KLRG1: variants seen among roughly 807,000 people sequenced by gnomAD.
KLRG1 encodes the protein killer cell lectin like receptor G1.
KLRG1 carries 16 observed loss-of-function variants against 21.8 expected under a neutral mutation model. That is an observed-to-expected ratio of 0.73 (90% CI 0.50 to 1.11). The LOEUF is 1.11. Among genes scored for constraint, KLRG1 ranks in the 50% most tolerant of loss-of-function variants. The pLI is 0.00. For synonymous variants in KLRG1, 69 were observed against 75.9 expected, an observed-to-expected ratio of 0.91 and a Z score of 0.47; for missense variants, 173 against 218.3, an observed-to-expected ratio of 0.79 and a Z score of 1.31.
the KLRG1 span, among the ~76,000 whole-genome samples, chr12:9,212,209 G>A: frequency 9.8e-5 from 15 of 152,328 alleles, no homozygotes; most frequent in East Asian, 2.9e-3. Flanking sequence ...GAATGGGCAT[G>A]TGTCCCACTG....
Position 9,009,484 on chromosome 12 carries a change from G to A in KLRG1, c.517G>A (p.Ala173Thr). ...CGAINKNGLQ[A>T]SSCEVPLHWV... is the part of the protein sequence containing the mutation. ...TGCCATCAACAAAAATGGTCTTCAA[G>A]CCTCAAGCTGTGAAGTTCCTTTACA... Residue 173 changes from alanine to threonine, a missense_variant, in exon 5 of 5, where the codon GCC (alanine) becomes ACC (threonine). By Grantham distance (58) the Ala-to-Thr change is moderately conservative. Coordinates refer to ENST00000356986, the MANE Select transcript of KLRG1 (RefSeq NM_005810.4). 1.2e-6 allele frequency: 2 copies of A among 1,613,942 alleles called. No homozygotes were observed. The highest frequency in any genetic ancestry group is 1.7e-6 in the Non-Finnish European group (2 of 1,179,922).
chr12:9,016,814 A>G, the KLRG1 span, among the ~76,000 whole-genome samples: 1 of 151,932 alleles, frequency 6.6e-6, no homozygotes, highest in Admixed American at 6.6e-5. Context: ...GGGTTTCACT[A>G]TGTTGGCCAG....
At chr12:9,211,513 G>T in the KLRG1 span, among the ~76,000 whole-genome samples, 30 of 151,914 alleles carry the variant, frequency 2.0e-4, no homozygotes, top group African/African-American at 5.8e-4. Context: ...TTATTTAGTT[G>T]TCTATCTGTG....
At chr12:8,998,199 T>G (rs936437479) in intron 3 of KLRG1, among the ~76,000 whole-genome samples, 2 of 152,036 alleles carry the variant, frequency 1.3e-5, no homozygotes, top group Non-Finnish European at 2.9e-5. Flanking sequence ...CGTGCTGTTA[T>G]GCACCTGTAA....
the KLRG1 span, among the ~76,000 whole-genome samples, chr12:9,186,389 A>T: frequency 6.6e-6 from 1 of 152,210 alleles, no homozygotes; most frequent in East Asian, 1.9e-4. Flanking sequence ...GGCAGATTCA[A>T]ATTCACGCAT....
chr12:9,089,917 C>T, the KLRG1 span: 3 of 1,611,710 alleles, frequency 1.9e-6, no homozygotes, highest in Non-Finnish European at 2.5e-6. Context: ...CCAACAGAGG[C>T]TTGATGACTG....
At chr12:8,962,963 A>C (rs1202414091) in intron 1 of KLRG1, among the ~76,000 whole-genome samples, 2 of 152,168 alleles carry the variant, frequency 1.3e-5, no homozygotes, top group African/African-American at 2.4e-5. Flanking sequence ...GATTTTAGGC[A>C]GAAGAAACAT....
At chr12:9,153,580 T>C in the KLRG1 span, among the ~76,000 whole-genome samples, 3 of 152,260 alleles carry the variant, frequency 2.0e-5, no homozygotes, top group Admixed American at 1.3e-4. Flanking sequence ...TTATTTTCAT[T>C]GACAGTCCTT....
chr12:9,201,377 AT>A, the KLRG1 span: 1 of 1,538,280 alleles, frequency 6.5e-7, no homozygotes, highest in Non-Finnish European at 8.9e-7. Context: ...AAGAGATGTG[AT>A]TAGAATTCCA....
the KLRG1 span, chr12:9,160,274 C>T: frequency 6.4e-7 from 1 of 1,551,582 alleles, no homozygotes; most frequent in Non-Finnish European, 8.7e-7. Flanking sequence ...GGAAAAGTTT[C>T]ATTAGAGTAA....
the KLRG1 span, among the ~76,000 whole-genome samples, chr12:9,168,216 G>A: frequency 1.3e-5 from 2 of 152,198 alleles, no homozygotes; most frequent in Admixed American, 6.5e-5. Flanking sequence ...GAGGCTTAGA[G>A]AGGAGATATG....
At chr12:9,053,968 C>T in the KLRG1 span, among the ~76,000 whole-genome samples, 1 of 152,192 alleles carries the variant, frequency 6.6e-6, no homozygotes, top group African/African-American at 2.4e-5. Flanking sequence ...CAGCTCCTCA[C>T]CCTCCATGAT....
At chr12:9,080,860 T>C in the KLRG1 span, among the ~76,000 whole-genome samples, 1 of 152,094 alleles carries the variant, frequency 6.6e-6, no homozygotes, top group Non-Finnish European at 1.5e-5. Context: ...AAATTCATAT[T>C]AAAATGTTTC....
chr12:9,052,975 C>T, the KLRG1 span: 1 of 360,330 alleles, frequency 2.8e-6, no homozygotes, highest in Non-Finnish European at 5.3e-6. Context: ...TCCTGTACAG[C>T]AGGTCCTCCA....
At chr12:9,068,077 T>A in the KLRG1 span, 5 of 1,303,616 alleles carry the variant, frequency 3.8e-6, no homozygotes, top group Non-Finnish European at 5.4e-6. Context: ...GTGTGAGTAA[T>A]TTGATGTTTT....
At chr12:9,110,339 A>G in the KLRG1 span, 6 of 1,419,744 alleles carry the variant, frequency 4.2e-6, no homozygotes, top group African/African-American at 8.8e-5. Context: ...TGGAATCTGA[A>G]AGACAAAAGA....
chr12:9,183,682 C>T, the KLRG1 span, among the ~76,000 whole-genome samples: 1 of 152,142 alleles, frequency 6.6e-6, no homozygotes, highest in African/African-American at 2.4e-5. Flanking sequence ...AGCCAATGTG[C>T]CCGGCCAAAA....
upstream of KLRG1, chr12:8,988,188 A>G (rs1466162174): frequency 6.6e-6 from 1 of 152,294 alleles, no homozygotes; most frequent in African/African-American, 2.4e-5. Flanking sequence ...CCATTTAAGC[A>G]GCTCAAAACT....
At chr12:9,119,676 T>C in the KLRG1 span, among the ~76,000 whole-genome samples, 1 of 152,080 alleles carries the variant, frequency 6.6e-6, no homozygotes. Flanking sequence ...GAGGTACAAA[T>C]GACAGGGGAG....
Sources: allele counts gnomAD v4.1 joint callset (sites outside exome capture counted in the v4.1 genomes callset), GRCh38; gene constraint gnomAD v4.1.1; transcripts MANE v1.5; gene names NCBI Gene and HGNC (gene_info 2026-07-23, HGNC 2026-07-21).